Variants in KATNA1 observed in about 807,000 individuals in gnomAD.
KATNA1 encodes the protein katanin p60 ATPase-containing subunit A1.
In KATNA1, 42 loss-of-function variants were observed where a neutral mutation model predicts 62.6. The ratio of observed to expected loss-of-function variants is 0.67; its 90% CI spans 0.52 to 0.87. KATNA1 has a LOEUF of 0.87. Among genes scored for constraint, KATNA1 ranks in the 40% least tolerant of loss-of-function variants. The pLI is 0.00. For synonymous variants in KATNA1, 186 were observed against 201.9 expected (o/e 0.92, Z 0.67); for missense variants, 498 against 612.5 (o/e 0.81, Z 1.97).
At chr6:149,596,478 T>C (rs1778314980) in intron 10 of KATNA1, among the ~76,000 whole-genome samples, 1 of 152,156 alleles carries the variant, frequency 6.6e-6, no homozygotes, top group Non-Finnish European at 1.5e-5. Flanking sequence ...AAGGTTGCAG[T>C]GAGCCGAGAT....
chr6:149,611,404 G>A (rs180898642), intron 4 of KATNA1, among the ~76,000 whole-genome samples: 23 of 148,708 alleles, frequency 1.5e-4, no homozygotes, highest in African/African-American at 5.7e-4. Context: ...GGAGGTTGCA[G>A]TGAGCTGAGA....
chr6:149,597,739 A>G, intron 8 of KATNA1, 98 bp from the exon 9 acceptor site: 2 of 1,162,242 alleles, frequency 1.7e-6, no homozygotes, highest in South Asian at 1.4e-5. Flanking sequence ...TAGTACAACA[A>G]TACAAGGAAG....
At chr6:149,622,532 C>G (rs1283785514) in intron 4 of KATNA1, among the ~76,000 whole-genome samples, 1 of 151,952 alleles carries the variant, frequency 6.6e-6, no homozygotes, top group Non-Finnish European at 1.5e-5. Context: ...ATGGAAGTTC[C>G]TTATACCATT....
chr6:149,622,902 G>A (rs1172074130), intron 4 of KATNA1, among the ~76,000 whole-genome samples: 2 of 151,970 alleles, frequency 1.3e-5, no homozygotes, highest in African/African-American at 4.8e-5. Context: ...CCTGCCACTC[G>A]GAAGGCTGAG....
intron 4 of KATNA1, among the ~76,000 whole-genome samples, chr6:149,607,933 G>C (rs546110330): frequency 1.3e-5 from 2 of 152,166 alleles, no homozygotes; most frequent in Middle Eastern, 3.4e-3. Context: ...AGGTGTGATG[G>C]TTCACACCTG....
intron 4 of KATNA1, among the ~76,000 whole-genome samples, chr6:149,614,767 A>G (rs1315496071): frequency 6.6e-6 from 1 of 152,188 alleles, no homozygotes; most frequent in Admixed American, 6.6e-5. Flanking sequence ...TGGAGACCAC[A>G]AAGAAAACAG....
intron 3 of KATNA1, among the ~76,000 whole-genome samples, chr6:149,630,932 T>C (rs1779807412): frequency 6.6e-6 from 1 of 151,556 alleles, no homozygotes; most frequent in East Asian, 1.9e-4. Flanking sequence ...AGCTCTACCA[T>C]TTATCAGTTT....
intron 4 of KATNA1, among the ~76,000 whole-genome samples, chr6:149,607,985 G>C (rs1233427116): frequency 1.3e-5 from 2 of 152,176 alleles, no homozygotes; most frequent in Non-Finnish European, 2.9e-5. Flanking sequence ...AGAATCGCTT[G>C]AACCTGGGAG....
chr6:149,615,691 C>T (rs547921911), intron 4 of KATNA1, among the ~76,000 whole-genome samples: 2 of 151,896 alleles, frequency 1.3e-5, no homozygotes, highest in Admixed American at 6.6e-5. Flanking sequence ...TGGGTAGGGG[C>T]GCGGATCACT....
chr6:149,597,094 A>G lies in KATNA1; in HGVS notation c.1246T>C (p.Tyr416His). 6.2e-7 allele frequency: 1 copy of G among 1,614,188 alleles called. No individual in the cohort carries two copies. The highest frequency in any genetic ancestry group is 8.5e-7 in the Non-Finnish European group (1 of 1,180,012). The change falls in exon 10 of 11, where the codon TAT becomes CAT. Residue 416 changes from tyrosine (Y) to histidine (H), a missense_variant. By Grantham distance (83) the Tyr-to-His change is moderately conservative. Transcript: ENST00000367411. Reference sequence around the variant, plus strand: ...ACGTTGGTAATGTCCGCACCTGAATAACCTTCCATGTTTTCTGCTATACTT... The same window carrying G: ...ACGTTGGTAATGTCCGCACCTGAATGACCTTCCATGTTTTCTGCTATACTT... ...LASIAENMEG[Y>H]SGADITNVCR...
rs9498389 is a variant in KATNA1, at chr6:149,620,988, T to G, written c.501+2115A>C. Among the ~76,000 whole-genome samples, 814 of 152,236 alleles carry G rather than the reference T, an allele frequency of 5.3e-3. 6 individuals are homozygous for G. The highest frequency in any genetic ancestry group is 0.018 in the African/African-American group (750 of 41,542). ...ATTGATGAGAAACAGAGTATTTACA[T>G]AGTCTCAAAGTACTTCCCACAAATT... On this transcript the variant is annotated intron_variant, in intron 4 of 10. Coordinates refer to ENST00000367411, the MANE Select transcript of KATNA1 (RefSeq NM_007044.4).
At chr6:149,620,791 T>C (rs1467966758) in intron 4 of KATNA1, among the ~76,000 whole-genome samples, 3 of 152,156 alleles carry the variant, frequency 2.0e-5, no homozygotes, top group Non-Finnish European at 4.4e-5. Flanking sequence ...TTATTATGTG[T>C]CAAATTAAAA....
intron 3 of KATNA1, among the ~76,000 whole-genome samples, chr6:149,629,725 G>T (rs1365817508): frequency 2.0e-5 from 3 of 151,950 alleles, no homozygotes; most frequent in Non-Finnish European, 4.4e-5. Context: ...AATGAAAAAA[G>T]AAGGGAAAAA....
chr6:149,606,003 G>A (rs1321357380), intron 4 of KATNA1, among the ~76,000 whole-genome samples: 4 of 152,010 alleles, frequency 2.6e-5, no homozygotes, highest in Admixed American at 6.6e-5. Flanking sequence ...CAAGTGATCC[G>A]CCCACCTCGG....
rs146552066 is a variant in KATNA1, at chr6:149,635,778, C to T, written c.162+2608G>A. 3.6e-3 allele frequency among the ~76,000 whole-genome samples: 551 copies of T among 151,804 alleles called. 3 individuals carry two copies. Among genetic ancestry groups the T allele is most frequent in the African/African-American group, 0.013 (524 of 41,392 alleles). ...TTACCACAATAAGAAAATGGTAGGCCAGGCATGGTGGCTCATGCCTGCAAT... is the reference window on the plus strand; with the variant it reads ...TTACCACAATAAGAAAATGGTAGGCTAGGCATGGTGGCTCATGCCTGCAAT... On this transcript the variant is annotated intron_variant, in intron 2 of 10. Transcript: ENST00000367411.
chr6:149,643,688 CTTT>C (rs760035804), intron 1 of KATNA1, among the ~76,000 whole-genome samples: 5 of 142,774 alleles, frequency 3.5e-5, no homozygotes, highest in African/African-American at 7.7e-5. Context: ...AGTTGTTGTC[CTTT>C]TTTTTTTTTT....
At chr6:149,634,948 T>A (rs530312007) in intron 2 of KATNA1, among the ~76,000 whole-genome samples, 39 of 151,916 alleles carry the variant, frequency 2.6e-4, no homozygotes, top group Admixed American at 2.4e-3. Flanking sequence ...AGTCTTTTTT[T>A]TTTTTTTCAA....
At chr6:149,630,490 G>A (rs1037749653) in intron 3 of KATNA1, among the ~76,000 whole-genome samples, 1 of 152,138 alleles carries the variant, frequency 6.6e-6, no homozygotes, top group African/African-American at 2.4e-5. Context: ...TTAGCCGGGC[G>A]TGGTGGCACG....
intron 2 of KATNA1, among the ~76,000 whole-genome samples, chr6:149,635,074 C>T (rs1400728876): frequency 6.6e-6 from 1 of 151,332 alleles, no homozygotes; most frequent in East Asian, 1.9e-4. Flanking sequence ...AATCTTGACG[C>T]AATTTAAAAA....
Sources: gnomAD v4.1 joint callset for allele counts (sites outside exome capture counted in the v4.1 genomes callset) on GRCh38, gnomAD v4.1.1 for gene constraint, MANE v1.5 for transcripts, NCBI Gene and HGNC (gene_info 2026-07-23, HGNC 2026-07-21) for gene names.